The following MORC4 variants were observed in gnomAD, a reference collection of about 807,000 sequenced individuals.
The protein encoded by MORC4 is MORC family CW-type zinc finger 4, also known as MORC family CW-type zinc finger protein 4.
A neutral mutation model predicts 65.5 loss-of-function variants in MORC4; 22 were observed. The ratio of observed to expected loss-of-function variants is 0.34; its 90% CI spans 0.24 to 0.48. The LOEUF (loss-of-function observed/expected upper bound fraction) is 0.48. MORC4 is among the 20% of genes least tolerant of loss of function. The probability of loss-of-function intolerance (pLI) is 0.99; values close to 1 mark genes in which losing one functional copy is unlikely to be tolerated. For missense variants in MORC4, 624 were observed against 703.0 expected (o/e 0.89, Z 1.27); for synonymous variants, 267 against 255.8 (o/e 1.04, Z -0.42).
chrX:106,984,530 G>A (rs1386810770), intron 5 of MORC4, among the ~76,000 whole-genome samples: 1 of 94,012 alleles, frequency 1.1e-5, no homozygotes, highest in African/African-American at 4.0e-5. Flanking sequence ...GTGCAGAGGC[G>A]CGATCTCTGC....
chrX:106,987,984 T>C (rs1934906095), intron 3 of MORC4, among the ~76,000 whole-genome samples: 1 of 111,735 alleles, frequency 8.9e-6, no homozygotes, highest in South Asian at 3.7e-4. Flanking sequence ...AGAATTGGCT[T>C]TTAAAAAAAA....
intron 16 of MORC4, 71 bp from the exon 17 acceptor site, chrX:106,941,703 C>T (rs1292593717): frequency 9.5e-6 from 10 of 1,056,734 alleles, no homozygotes; most frequent in Non-Finnish European, 1.3e-5. Flanking sequence ...AAAATGAAGC[C>T]CCTTCAAAAT....
intron 12 of MORC4, 126 bp from the exon 13 acceptor site, chrX:106,956,660 A>T: frequency 1.6e-6 from 1 of 608,754 alleles, no homozygotes; most frequent in Non-Finnish European, 2.6e-6. Flanking sequence ...CTCATTGAGT[A>T]ACTGAGGGTG....
At chrX:106,967,996 C>A (rs1187786857) in intron 9 of MORC4, among the ~76,000 whole-genome samples, 1 of 111,165 alleles carries the variant, frequency 9.0e-6, no homozygotes, top group Non-Finnish European at 1.9e-5. Context: ...AGAAGAGCAA[C>A]CCCAAGACAC....
chrX:106,991,353 G>T (rs1481081528), intron 3 of MORC4, among the ~76,000 whole-genome samples: 1 of 112,334 alleles, frequency 8.9e-6, no homozygotes, highest in East Asian at 2.8e-4. Flanking sequence ...ATGTCTATCT[G>T]GTTCACCACT....
At chrX:106,995,280 T>C (rs1414076894) in intron 2 of MORC4, among the ~76,000 whole-genome samples, 1 of 111,323 alleles carries the variant, frequency 9.0e-6, no homozygotes, top group East Asian at 2.8e-4. Flanking sequence ...AGATTAACTT[T>C]CCTGAAGCAC....
Position 106,981,746 on chromosome X carries a change from C to A in MORC4, c.675-269G>T, listed in dbSNP as rs1244829547. 1.5e-4 allele frequency among the ~76,000 whole-genome samples: 17 copies of A among 111,715 alleles called. 1 individual carries two copies. The highest frequency in any genetic ancestry group is 2.8e-4 in the Admixed American group (3 of 10,529). ...AAAAAGAATGTGGAATGTCTATGAT[C>A]TGATAAATCAAATGGATGTCAGCTA... On this transcript the variant is annotated intron_variant, in intron 5 of 16. Transcript: ENST00000355610.
Position 106,978,056 on chromosome X carries a change from G to A in MORC4, c.1056+24C>T, listed in dbSNP as rs769057164. The A allele has an allele frequency of 3.3e-6, 4 of 1,206,310 alleles. No homozygotes were observed. In the Admixed American group the frequency reaches 6.6e-5, roughly 20 times the overall value. On this transcript the variant is annotated intron_variant, in intron 8 of 16. Transcript: ENST00000355610. The stretch of plus-strand genomic sequence containing the variant: ...CTTCCTACTCTTTTCAGCCTCCTAT[G>A]ACAAAGAAATATTAACTACTCACCT...
At chrX:106,946,648 G>T (rs1933836211) in intron 14 of MORC4, among the ~76,000 whole-genome samples, 1 of 112,164 alleles carries the variant, frequency 8.9e-6, no homozygotes, top group Admixed American at 9.5e-5. Context: ...TATAAACTTA[G>T]GTGTGGCATT....
In MORC4 at chrX:106,942,556, A is replaced by G; in HGVS notation, c.2335T>C (p.Leu779=). ...TTCCTTTCAGCCAAAACACGTTCCA[A>G]TTTTTCTGTGGTTCTCTTCAATTCT... ...LEELKRTTEK[L]ERVLAERNLF... is the part of the protein sequence containing the mutation. The change falls in exon 15 of 17, where the codon TTG becomes CTG. Residue 779 remains leucine (L), a synonymous_variant. Transcript: ENST00000355610. 1 of 1,209,899 alleles carries G rather than the reference A, an allele frequency of 8.3e-7. No homozygotes were observed. The highest frequency in any genetic ancestry group is 1.1e-6 in the Non-Finnish European group (1 of 894,979).
chrX:106,994,190 CA>C (rs2147828189), intron 2 of MORC4, among the ~76,000 whole-genome samples: 1 of 112,380 alleles, frequency 8.9e-6, no homozygotes, highest in East Asian at 2.8e-4. Flanking sequence ...TCCACAACCC[CA>C]GGGGGGTGCC....
intron 5 of MORC4, among the ~76,000 whole-genome samples, chrX:106,984,491 A>T (rs1934825846): frequency 1.3e-5 from 1 of 74,423 alleles, no homozygotes. Flanking sequence ...TTTTTTTGAG[A>T]CAGAGTCTCA....
intron 7 of MORC4, among the ~76,000 whole-genome samples, chrX:106,980,194 T>C (rs1288205014): frequency 9.0e-6 from 1 of 111,398 alleles, no homozygotes; most frequent in Non-Finnish European, 1.9e-5. Flanking sequence ...AACAAAGTTG[T>C]ACCTAATTTC....
At chrX:106,994,735 A>G (rs1270677705) in intron 2 of MORC4, among the ~76,000 whole-genome samples, 2 of 111,584 alleles carry the variant, frequency 1.8e-5, no homozygotes, top group Non-Finnish European at 3.8e-5. Context: ...CATCACCAAT[A>G]GTCCCAGAAG....
intron 14 of MORC4, among the ~76,000 whole-genome samples, chrX:106,954,522 G>C (rs1382812457): frequency 8.9e-6 from 1 of 111,862 alleles, no homozygotes; most frequent in Non-Finnish European, 1.9e-5. Context: ...AGGCCTATGA[G>C]GCCCAAGAGA....
chrX:106,975,792 T>A (rs953191493), intron 9 of MORC4, among the ~76,000 whole-genome samples: 3 of 111,184 alleles, frequency 2.7e-5, no homozygotes, highest in Admixed American at 1.9e-4. Context: ...TCAAATATAA[T>A]CTGCTTTGTG....
chrX:107,000,015 C>T lies in MORC4; in HGVS notation c.-46G>A. The T allele has an allele frequency of 1.6e-6, 1 of 619,792 alleles. No homozygotes were observed. The highest frequency in any genetic ancestry group is 2.1e-6 in the Non-Finnish European group (1 of 485,451). 51.1% of individuals were successfully genotyped at this position (619,792 alleles called of 1,213,427 possible). A position where few individuals can be genotyped will look rare whatever the true frequency, so the allele number is the denominator to read the frequency against. ...CCGTCTGCTGCCGCCGGACCCCTGGCCCGGCGGTCCGGGACTAGCCCTCGC... is the reference window on the plus strand; with the variant it reads ...CCGTCTGCTGCCGCCGGACCCCTGGTCCGGCGGTCCGGGACTAGCCCTCGC... On this transcript the variant is annotated 5_prime_UTR_variant, in exon 1 of 17. Coordinates refer to ENST00000355610, the MANE Select transcript of MORC4 (RefSeq NM_024657.5).
intron 9 of MORC4, among the ~76,000 whole-genome samples, chrX:106,972,443 T>G (rs1423380274): frequency 4.5e-5 from 5 of 110,966 alleles, no homozygotes; most frequent in African/African-American, 1.6e-4. Flanking sequence ...TCTGCACATG[T>G]AACCCAGAAT....
At chrX:106,950,951 T>C (rs1316218338) in intron 14 of MORC4, among the ~76,000 whole-genome samples, 2 of 112,173 alleles carry the variant, frequency 1.8e-5, no homozygotes, top group Non-Finnish European at 3.8e-5. Flanking sequence ...TTCTTGAATA[T>C]TTCTCCCTTT....
Sources: gnomAD v4.1 joint callset for allele counts (sites outside exome capture counted in the v4.1 genomes callset) on GRCh38, gnomAD v4.1.1 for gene constraint, MANE v1.5 for transcripts, NCBI Gene and HGNC (gene_info 2026-07-23, HGNC 2026-07-21) for gene names.